The following ZNF91 variants were observed in gnomAD, a reference collection of about 807,000 sequenced individuals.
The protein encoded by ZNF91 is zinc finger protein 91 (HPF7, HTF10).
In ZNF91, 7 loss-of-function variants were observed where a neutral mutation model predicts 12.6. The observed-to-expected ratio is 0.55, with a 90% CI of 0.31 to 1.04. The LOEUF (loss-of-function observed/expected upper bound fraction) is 1.04, where lower values mean the gene tolerates loss of function less well. Among genes scored for constraint, ZNF91 ranks in the 50% least tolerant of loss-of-function variants. The pLI, the probability that ZNF91 is intolerant of heterozygous loss-of-function variation, is 0.05. For synonymous variants in ZNF91, 453 were observed against 462.6 expected (o/e 0.98, Z 0.27); for missense variants, 1,217 against 1,385.4 (o/e 0.88, Z 1.93).
intron 3 of ZNF91, chr19:23,342,149 G>A (rs1968138509): frequency 2.2e-6 from 1 of 455,076 alleles, no homozygotes; most frequent in Admixed American, 3.2e-5. Context: ...TCTGTTATCT[G>A]CTTCATTCAT....
Position 23,360,477 on chromosome 19 carries a change from A to T in ZNF91, c.2502T>A (p.Ala834=), listed in dbSNP as rs756453328. The change falls in exon 4 of 4, where the codon GCT becomes GCA. Residue 834 remains alanine, a synonymous_variant. Transcript: ENST00000300619. ...TAGCAAGGGCTGAGGAGTGCTTAAA[A>T]GCTTTGCCACATTCTTTACATTTGT... ...KPYKCKECGK[A]FKHSSALAKH... The T allele has an allele frequency of 3.7e-6, 6 of 1,612,582 alleles. No homozygotes were observed. The highest frequency in any genetic ancestry group is 4.2e-6 in the Non-Finnish European group (5 of 1,179,594).
chr19:23,392,256 C>T (rs1377480228), intron 1 of ZNF91, among the ~76,000 whole-genome samples: 3 of 151,392 alleles, frequency 2.0e-5, no homozygotes, highest in Non-Finnish European at 2.9e-5. Flanking sequence ...ATTAGCCGGG[C>T]GTTGTGGCAA....
chr19:23,372,955 G>A (rs57394860), intron 3 of ZNF91, among the ~76,000 whole-genome samples: 15,789 of 152,128 alleles, frequency 0.1, 1,254 homozygotes, highest in East Asian at 0.37. Context: ...AAGTCCTGAA[G>A]GATATTCACT....
At position 23,359,852 on chromosome 19, in the gene ZNF91, TTA is replaced by T. The variant is rs756375040; in HGVS notation, c.3125_3126del (p.Ile1042AsnfsTer11). 3.5e-5 allele frequency: 56 copies of T among 1,613,562 alleles called. No homozygotes were observed. The highest frequency in any genetic ancestry group is 4.7e-5 in the Non-Finnish European group (55 of 1,179,794). On this transcript the variant is annotated frameshift_variant, in exon 4 of 4. Transcript: ENST00000300619. LOFTEE classifies it low-confidence loss of function (END_TRUNC). ...TTGTAAGGTTTCTCTCCAGTATGAATTATCTTATGTGTAGTAAGCTTTGAGGA... is the reference window on the plus strand; with the variant it reads ...TTGTAAGGTTTCTCTCCAGTATGAATTCTTATGTGTAGTAAGCTTTGAGGA... The part of the protein sequence containing the change: ...NRSSKLTTHK[I>X]IHTGEKPYKC...
chr19:23,374,521 C>T, intron 2 of ZNF91, 117 bp downstream of exon 2: 1 of 1,083,464 alleles, frequency 9.2e-7, no homozygotes, highest in Non-Finnish European at 1.2e-6. Flanking sequence ...GATCTCGCCA[C>T]TGCACTCCAG....
At chr19:23,379,735 TTGAATAGGG>T (rs1372379980) in intron 1 of ZNF91, among the ~76,000 whole-genome samples, 593 of 152,384 alleles carry the variant, frequency 3.9e-3, no homozygotes, top group African/African-American at 0.014. Context: ...ACAAAAGTGG[TTGAATAGGG>T]TGCTATCTTT....
At chr19:23,316,422 G>A (rs985624569) in intron 1 of ZNF91, among the ~76,000 whole-genome samples, 1 of 152,194 alleles carries the variant, frequency 6.6e-6, no homozygotes, top group African/African-American at 2.4e-5. Flanking sequence ...CCCACAGAAA[G>A]CATTTTGACA....
Position 23,374,660 on chromosome 19 carries a change from G to C in ZNF91, c.135C>G (p.Asn45Lys). ...TACCCAGGAAGGCCAGGTTTCTGTA[G>C]TTCTCTAACATCACATTCCTATATA... ...QNLYRNVMLE[N>K]YRNLAFLGIA... Residue 45 changes from asparagine to lysine, a missense_variant, in exon 2 of 4, where the codon AAC (asparagine) becomes AAG (lysine). Physicochemically the swap from Asn to Lys is moderately conservative, Grantham distance 94 (BLOSUM62 0). Coordinates refer to ENST00000300619, the MANE Select transcript of ZNF91 (RefSeq NM_003430.4). The C allele has an allele frequency of 6.2e-7, 1 of 1,608,826 alleles. No homozygotes were observed. Among genetic ancestry groups the C allele is most frequent in the Non-Finnish European group, 8.5e-7 (1 of 1,177,002 alleles).
At chr19:23,374,393 A>C (rs1969420635) in intron 2 of ZNF91, among the ~76,000 whole-genome samples, 1 of 148,678 alleles carries the variant, frequency 6.7e-6, no homozygotes, top group South Asian at 2.1e-4. Context: ...AATACCAAAA[A>C]AAAAAAAAAA....
rs528821149 is a variant in ZNF91 at position 23,339,447 on chromosome 19, C to T, written c.254-393G>A. ...TAGTGGAGAAATTCAACATTCTACT[C>T]ACAGCATTAGAGAGACCATTGAGAT... On this transcript the variant is annotated intron_variant, in intron 3 of 3. Coordinates refer to the ZNF91 transcript ENST00000599743. The T allele has an allele frequency of 6.6e-5, 10 of 152,222 alleles. No homozygotes were observed. The East Asian group carries it at 1.9e-3, about 29-fold the overall frequency. The allele number at this position is 152,222 out of a possible 1,614,324, so 9.4% of individuals were successfully genotyped here. A position where few individuals can be genotyped will look rare whatever the true frequency, so the allele number is the denominator to read the frequency against.
intron 3 of ZNF91, among the ~76,000 whole-genome samples, chr19:23,343,696 G>C (rs1404899528): frequency 1.3e-5 from 2 of 152,218 alleles, no homozygotes; most frequent in African/African-American, 4.8e-5. Context: ...AGAGAGTAAA[G>C]CCGCTGACCC....
intron 1 of ZNF91, among the ~76,000 whole-genome samples, chr19:23,320,026 C>T (rs1361161994): frequency 2.0e-5 from 3 of 152,264 alleles, no homozygotes; most frequent in African/African-American, 7.2e-5. Context: ...TCCAAGGACA[C>T]AAGAAATACT....
At chr19:23,376,490 A>C (rs528897705) in intron 1 of ZNF91, among the ~76,000 whole-genome samples, 97 of 152,024 alleles carry the variant, frequency 6.4e-4, no homozygotes, top group African/African-American at 2.3e-3. Flanking sequence ...CCCGGGTTCA[A>C]GCAATTCTCC....
At chr19:23,384,741 G>A in intron 1 of ZNF91, 1 of 619,660 alleles carries the variant, frequency 1.6e-6, no homozygotes, top group Non-Finnish European at 3.0e-6. Context: ...GAAACTAGGA[G>A]AAAGCACACC....
chr19:23,335,181 T>C (rs1375808585), downstream of ZNF91, among the ~76,000 whole-genome samples: 1 of 152,140 alleles, frequency 6.6e-6, no homozygotes. Flanking sequence ...ATCCTTCCTC[T>C]GGAAGCTTCG....
At chr19:23,355,080 C>T (rs186180653), downstream of ZNF91, among the ~76,000 whole-genome samples, 10 of 152,156 alleles carry the variant, frequency 6.6e-5, no homozygotes, top group Admixed American at 2.0e-4. Flanking sequence ...AAAAAACCAC[C>T]GTCATTCTTC....
At chr19:23,348,026 C>A (rs966957008) in intron 3 of ZNF91, among the ~76,000 whole-genome samples, 1 of 152,168 alleles carries the variant, frequency 6.6e-6, no homozygotes, top group Non-Finnish European at 1.5e-5. Flanking sequence ...CAATAATGGG[C>A]CTGCCTTCCT....
intron 3 of ZNF91, among the ~76,000 whole-genome samples, chr19:23,370,320 C>T (rs934155535): frequency 3.6e-4 from 54 of 151,980 alleles, no homozygotes; most frequent in African/African-American, 1.3e-3. Flanking sequence ...TATGATTTCA[C>T]TAAGATATAT....
intron 3 of ZNF91, among the ~76,000 whole-genome samples, chr19:23,368,510 ATC>A (rs573590418): frequency 0.11 from 9,916 of 93,868 alleles, 543 homozygotes; most frequent in Admixed American, 0.15. Flanking sequence ...GCGAAACTCC[ATC>A]TCTCTCTCTC....
Sources: allele counts gnomAD v4.1 joint callset (sites outside exome capture counted in the v4.1 genomes callset), GRCh38; gene constraint gnomAD v4.1.1; transcripts MANE v1.5; gene names NCBI Gene and HGNC (gene_info 2026-07-23, HGNC 2026-07-21).